CTNND2: variants seen among roughly 807,000 people sequenced by gnomAD.
CTNND2 encodes the protein catenin delta 2, also known as catenin delta-2.
CTNND2 carries 22 observed loss-of-function variants against 144.4 expected under a neutral mutation model. The ratio of observed to expected loss-of-function variants is 0.15; its 90% CI spans 0.11 to 0.22. The LOEUF (loss-of-function observed/expected upper bound fraction) is 0.22, where lower values mean the gene tolerates loss of function less well. CTNND2 is among the 10% of genes least tolerant of loss of function. The pLI, the probability that CTNND2 is intolerant of heterozygous loss-of-function variation, is 1.00. For synonymous variants in CTNND2, 751 were observed against 695.6 expected, an observed-to-expected ratio of 1.08 and a Z score of -1.25; for missense variants, 1,353 against 1,618.8, an observed-to-expected ratio of 0.84 and a Z score of 2.82.
chr5:11,108,266 G>A (rs1404766550), intron 14 of CTNND2, among the ~76,000 whole-genome samples: 1 of 152,198 alleles, frequency 6.6e-6, no homozygotes, highest in Non-Finnish European at 1.5e-5. Context: ...AGACAGGCCA[G>A]GAAAGAGTGC....
chr5:11,350,221 A>G (rs892582081), intron 8 of CTNND2, among the ~76,000 whole-genome samples: 4 of 152,180 alleles, frequency 2.6e-5, no homozygotes, highest in African/African-American at 9.6e-5. Context: ...TAACCTGAAC[A>G]TTATACTGAA....
At chr5:11,510,420 T>C (rs953651877) in intron 3 of CTNND2, among the ~76,000 whole-genome samples, 1 of 152,224 alleles carries the variant, frequency 6.6e-6, no homozygotes, top group African/African-American at 2.4e-5. Flanking sequence ...ATTTCTACAC[T>C]CATTAAATTT....
chr5:11,320,909 C>A (rs188695585), intron 9 of CTNND2, among the ~76,000 whole-genome samples: 384 of 152,192 alleles, frequency 2.5e-3, no homozygotes, highest in Admixed American at 5.2e-3. Context: ...CCAATTCCTA[C>A]GATTAAAGAA....
At chr5:11,412,170 C>T (rs998091062) in intron 3 of CTNND2, 101 bp from the exon 4 acceptor site, 43 of 802,168 alleles carry the variant, frequency 5.4e-5, no homozygotes, top group Middle Eastern at 2.3e-4. Flanking sequence ...GTAACAGTGG[C>T]CCCGTTGCAT....
At chr5:11,103,113 C>G (rs1263555812) in intron 14 of CTNND2, among the ~76,000 whole-genome samples, 2 of 150,566 alleles carry the variant, frequency 1.3e-5, no homozygotes, top group East Asian at 4.0e-4. Context: ...TCCTGAGTAG[C>G]TGGGATTACA....
chr5:11,167,970 T>C (rs778316663), intron 11 of CTNND2, among the ~76,000 whole-genome samples: 20 of 151,862 alleles, frequency 1.3e-4, no homozygotes, highest in Non-Finnish European at 2.5e-4. Flanking sequence ...CCTCCCAAAG[T>C]GCTGGGATTA....
At chr5:11,078,883 C>T (rs921335911) in intron 16 of CTNND2, among the ~76,000 whole-genome samples, 3 of 152,300 alleles carry the variant, frequency 2.0e-5, no homozygotes, top group Non-Finnish European at 4.4e-5. Flanking sequence ...AAATTAAATG[C>T]AAACTAAGTG....
At position 11,198,833 on chromosome 5, in the gene CTNND2, A is replaced by G. The variant is rs139147394; in HGVS notation, c.1975+615T>C. Reference sequence around the variant, plus strand: ...GCTAACACGGACTGTGTTTACATGTATTCCATATATGTGCCAAATGTTTTA... The same window carrying G: ...GCTAACACGGACTGTGTTTACATGTGTTCCATATATGTGCCAAATGTTTTA... On this transcript the variant is annotated intron_variant, in intron 11 of 21. Transcript: ENST00000304623. 3.7e-4 allele frequency among the ~76,000 whole-genome samples: 56 copies of G among 152,352 alleles called. 1 individual carries two copies. The East Asian group carries it at 8.1e-3, about 22-fold the overall frequency.
In CTNND2 at chr5:10,973,567, G is replaced by T. The variant is rs1330666298; in HGVS notation, c.3564C>A (p.His1188Gln). 1 of 1,614,178 alleles carries T rather than the reference G, an allele frequency of 6.2e-7. No individual in the cohort carries two copies. The highest frequency in any genetic ancestry group is 8.5e-7 in the Non-Finnish European group (1 of 1,180,026). ...AGTTGCCGGTGGACTTGAGACCCAG[G>T]TGCATGGTGTACTCGCTGGCGGGAG... ...HRPPASEYTM[H>Q]LGLKSTGNYV... The change falls in exon 22 of 22, where the codon CAC becomes CAA. Residue 1188 changes from histidine to glutamine, a missense_variant. Coordinates refer to ENST00000304623, the MANE Select transcript of CTNND2 (RefSeq NM_001332.4). The surrounding 1 kb of genome is among the most constrained non-coding windows in gnomAD (Gnocchi z 5.6).
rs182907939 is a variant in CTNND2, at chr5:11,766,308, G to A, written c.38-34036C>T. The stretch of plus-strand genomic sequence containing the variant: ...GCCGCTTGATGTTCAAATGGGTGGT[G>A]ATATGGTTTGGCTGTGTCCCCACCC... On this transcript the variant is annotated intron_variant, in intron 1 of 21. Transcript: ENST00000304623. Among the ~76,000 whole-genome samples the A allele has an allele frequency of 1.1e-4, 16 of 152,292 alleles. No homozygotes were observed. In the East Asian group the frequency reaches 3.1e-3, roughly 29 times the overall value.
chr5:11,028,551 G>A (rs2149547682), intron 16 of CTNND2, among the ~76,000 whole-genome samples: 1 of 152,064 alleles, frequency 6.6e-6, no homozygotes, highest in East Asian at 1.9e-4. Context: ...TTCAGTCCCT[G>A]GAAACCCCCA....
At chr5:11,121,455 CATA>C (rs894516902) in intron 12 of CTNND2, among the ~76,000 whole-genome samples, 2 of 152,158 alleles carry the variant, frequency 1.3e-5, no homozygotes, top group African/African-American at 4.8e-5. Flanking sequence ...CAAAAATGTG[CATA>C]ATATCTCATC....
intron 9 of CTNND2, among the ~76,000 whole-genome samples, chr5:11,322,062 T>C (rs115375289): frequency 0.016 from 2,408 of 152,274 alleles, 52 homozygotes; most frequent in African/African-American, 0.056. Context: ...TCCACACGAC[T>C]GCAACTCCCA....
At chr5:11,798,888 A>G (rs187606734) in intron 1 of CTNND2, among the ~76,000 whole-genome samples, 1 of 152,234 alleles carries the variant, frequency 6.6e-6, no homozygotes, top group Non-Finnish European at 1.5e-5. Context: ...TACAAAACAC[A>G]GTATAAATCA....
intron 11 of CTNND2, among the ~76,000 whole-genome samples, chr5:11,181,685 G>A (rs1369490760): frequency 6.6e-6 from 1 of 151,412 alleles, no homozygotes; most frequent in African/African-American, 2.4e-5. Flanking sequence ...GTGTGTGTCT[G>A]TGTGGTGTGT....
chr5:11,806,535 T>C (rs142872713), intron 1 of CTNND2, among the ~76,000 whole-genome samples: 3 of 152,264 alleles, frequency 2.0e-5, no homozygotes, highest in Non-Finnish European at 4.4e-5. Flanking sequence ...CTTTTGGCAC[T>C]GCCATTCATT....
chr5:11,147,764 A>AG (rs1253783964), intron 12 of CTNND2, among the ~76,000 whole-genome samples: 6 of 152,220 alleles, frequency 3.9e-5, no homozygotes, highest in Non-Finnish European at 8.8e-5. Flanking sequence ...GTGAACATAC[A>AG]GAAAAAAAAG....
intron 1 of CTNND2, among the ~76,000 whole-genome samples, chr5:11,832,670 G>GTAT (rs1393056779): frequency 6.6e-6 from 1 of 152,170 alleles, no homozygotes; most frequent in Non-Finnish European, 1.5e-5. Flanking sequence ...GCTGGACGTG[G>GTAT]TATTTCATGC....
intron 9 of CTNND2, among the ~76,000 whole-genome samples, chr5:11,283,074 A>T (rs1173141654): frequency 6.6e-6 from 1 of 152,156 alleles, no homozygotes; most frequent in African/African-American, 2.4e-5. Context: ...ATGCTTTGAC[A>T]CCCTTACCAA....
Sources: gnomAD v4.1 joint callset for allele counts (sites outside exome capture counted in the v4.1 genomes callset) on GRCh38, gnomAD v4.1.1 for gene constraint, Gnocchi (gnomAD v3.1) non-coding constraint, MANE v1.5 for transcripts, NCBI Gene and HGNC (gene_info 2026-07-23, HGNC 2026-07-21) for gene names.